Variants in NPAS3 observed in about 807,000 individuals in gnomAD.
NPAS3 encodes the protein neuronal PAS domain protein 3, also known as neuronal PAS domain-containing protein 3.
Under a neutral mutation model 73.1 loss-of-function variants are expected in NPAS3, and 14 were observed. That is an observed-to-expected ratio of 0.19 (90% CI 0.13 to 0.30). The LOEUF is 0.30. NPAS3 is among the 10% of genes least tolerant of loss of function. The probability of loss-of-function intolerance (pLI) is 1.00; values close to 1 mark genes in which losing one functional copy is unlikely to be tolerated. For synonymous variants in NPAS3, 620 were observed against 541.5 expected, an observed-to-expected ratio of 1.14 and a Z score of -2.01; for missense variants, 1,096 against 1,250.0, an observed-to-expected ratio of 0.88 and a Z score of 1.86.
intron 3 of NPAS3, among the ~76,000 whole-genome samples, chr14:33,318,970 C>G (rs1012580665): frequency 5.3e-5 from 8 of 152,116 alleles, no homozygotes; most frequent in African/African-American, 1.9e-4. Flanking sequence ...CAAAATACGT[C>G]TCTTCAGTTA....
intron 2 of NPAS3, among the ~76,000 whole-genome samples, chr14:33,179,253 G>C (rs2045708755): frequency 6.6e-6 from 1 of 152,082 alleles, no homozygotes; most frequent in Admixed American, 6.5e-5. Context: ...GATTGTTTTG[G>C]ATGCCTCCTT....
chr14:33,697,890 T>G (rs2060428243), intron 6 of NPAS3, among the ~76,000 whole-genome samples: 1 of 152,226 alleles, frequency 6.6e-6, no homozygotes, highest in African/African-American at 2.4e-5. Flanking sequence ...CATTCTGGTT[T>G]TTCTCCTCAA....
At chr14:33,572,849 C>T (rs949452563) in intron 5 of NPAS3, among the ~76,000 whole-genome samples, 3 of 151,744 alleles carry the variant, frequency 2.0e-5, no homozygotes, top group Non-Finnish European at 2.9e-5. Context: ...ATGGTGAAAC[C>T]CTGTCTCTAC....
intron 1 of NPAS3, among the ~76,000 whole-genome samples, chr14:32,980,118 G>C (rs2139391283): frequency 6.6e-6 from 1 of 152,288 alleles, no homozygotes; most frequent in Middle Eastern, 3.4e-3. Context: ...ATTTCCTCTT[G>C]TGTGTCTTAA....
chr14:33,451,370 G>A (rs1402025449), intron 4 of NPAS3, among the ~76,000 whole-genome samples: 1 of 152,146 alleles, frequency 6.6e-6, no homozygotes, highest in Non-Finnish European at 1.5e-5. Flanking sequence ...TGAGTCATGT[G>A]ACCTTGGCAA....
At chr14:33,376,324 C>A (rs563747768) in intron 4 of NPAS3, among the ~76,000 whole-genome samples, 1 of 152,184 alleles carries the variant, frequency 6.6e-6, no homozygotes, top group South Asian at 2.1e-4. Context: ...TGCTTTAACT[C>A]ATTATATATA....
At chr14:33,114,062 G>A (rs1239146880) in intron 2 of NPAS3, among the ~76,000 whole-genome samples, 2 of 152,084 alleles carry the variant, frequency 1.3e-5, no homozygotes, top group African/African-American at 2.4e-5. Context: ...TTGAGACAGA[G>A]TCTTGCTCTA....
chr14:33,202,982 T>G (rs1442739532), intron 2 of NPAS3, among the ~76,000 whole-genome samples: 1 of 152,268 alleles, frequency 6.6e-6, no homozygotes, highest in Non-Finnish European at 1.5e-5. Flanking sequence ...TCCCCAATTT[T>G]ATGGTGTCTG....
chr14:33,450,244 G>A (rs922891139), intron 4 of NPAS3, among the ~76,000 whole-genome samples: 5 of 152,150 alleles, frequency 3.3e-5, no homozygotes, highest in Non-Finnish European at 7.4e-5. Flanking sequence ...ATGTTTCTCG[G>A]TTCTACAGCA....
chr14:33,799,235 G>C (rs1340611722), intron 11 of NPAS3, among the ~76,000 whole-genome samples: 1 of 152,190 alleles, frequency 6.6e-6, no homozygotes, highest in Non-Finnish European at 1.5e-5. Flanking sequence ...GGAATAGAAA[G>C]GAGAGTGGCT....
chr14:32,953,201 A>T (rs747694336), intron 1 of NPAS3, among the ~76,000 whole-genome samples: 2 of 151,992 alleles, frequency 1.3e-5, no homozygotes, highest in Non-Finnish European at 2.9e-5. Context: ...TTTGGGATTT[A>T]TAGATGGCTA....
intron 3 of NPAS3, among the ~76,000 whole-genome samples, chr14:33,228,083 A>G (rs2047703394): frequency 6.6e-6 from 1 of 152,176 alleles, no homozygotes; most frequent in Admixed American, 6.5e-5. Flanking sequence ...TTATATTCAC[A>G]TAGGAACTTT....
intron 4 of NPAS3, among the ~76,000 whole-genome samples, chr14:33,381,654 A>T (rs1386882501): frequency 6.6e-6 from 1 of 152,164 alleles, no homozygotes; most frequent in Non-Finnish European, 1.5e-5. Context: ...AGTGACAGAG[A>T]AAAGAATTAT....
intron 5 of NPAS3, among the ~76,000 whole-genome samples, chr14:33,648,996 T>C (rs2058912942): frequency 6.6e-6 from 1 of 152,188 alleles, no homozygotes; most frequent in Admixed American, 6.6e-5. Context: ...CCTGTGAAAG[T>C]ACCCGTTTCC....
Position 33,020,634 on chromosome 14 carries a change from G to A in NPAS3, c.51-35271G>A, listed in dbSNP as rs192193704. On this transcript the variant is annotated intron_variant, in intron 1 of 11. Coordinates refer to ENST00000356141, the Ensembl canonical transcript of NPAS3. ...CTCTCAGAATCTCATTGCTTGGACA[G>A]CAAGGATCTCAGTGGCTATTTTGCT... is the stretch of plus-strand genomic sequence containing the variant. Among the ~76,000 whole-genome samples the A allele has an allele frequency of 2.5e-3, 388 of 152,246 alleles. 4 individuals carry two copies. The highest frequency in any genetic ancestry group is 8.9e-3 in the African/African-American group (368 of 41,548).
intron 5 of NPAS3, among the ~76,000 whole-genome samples, chr14:33,667,392 A>G (rs1452578120): frequency 6.6e-6 from 1 of 152,186 alleles, no homozygotes; most frequent in Non-Finnish European, 1.5e-5. Flanking sequence ...CAGGTTCTCA[A>G]AAGGGTTTGC....
In NPAS3 at chr14:33,429,381, G is replaced by A. The variant is rs143556676; in HGVS notation, c.468+62113G>A. ...ATCTCTTGGATCTTCAGGAAGTTTAGATCAACTGTTTAGGGACTTGTACTG... is the reference window on the plus strand; with the variant it reads ...ATCTCTTGGATCTTCAGGAAGTTTAAATCAACTGTTTAGGGACTTGTACTG... On this transcript the variant is annotated intron_variant, in intron 4 of 11. Coordinates refer to ENST00000356141, the Ensembl canonical transcript of NPAS3. 1.8e-3 allele frequency among the ~76,000 whole-genome samples: 270 copies of A among 152,202 alleles called. 2 individuals are homozygous for A. Among genetic ancestry groups the A allele is most frequent in the African/African-American group, 6.0e-3 (251 of 41,532 alleles).
rs2048707486 is a variant in NPAS3, at chr14:33,254,594, T to C, written c.385+39168T>C. Among the ~76,000 whole-genome samples, 3 of 152,148 alleles carry C rather than the reference T, an allele frequency of 2.0e-5. No homozygotes were observed. The South Asian group carries it at 6.2e-4, about 31-fold the overall frequency. On this transcript the variant is annotated intron_variant, in intron 3 of 11. Coordinates refer to ENST00000356141, the Ensembl canonical transcript of NPAS3. The stretch of plus-strand genomic sequence containing the variant: ...GTAGGTGCTCATTAAGTTAATTATG[T>C]ATTGAAGAATGGCTTAATGTTTCAG...
chr14:33,783,195 C>T (rs1006900094), intron 9 of NPAS3, among the ~76,000 whole-genome samples: 2 of 152,184 alleles, frequency 1.3e-5, no homozygotes, highest in African/African-American at 4.8e-5. Flanking sequence ...TTTGGGTATG[C>T]AGCCACTGCA....
Sources: allele counts gnomAD v4.1 joint callset (sites outside exome capture counted in the v4.1 genomes callset), GRCh38; gene constraint gnomAD v4.1.1; transcripts MANE v1.5; gene names NCBI Gene and HGNC (gene_info 2026-07-23, HGNC 2026-07-21).